PKD2L1: variants seen among roughly 807,000 people sequenced by gnomAD.
PKD2L1 encodes the protein polycystin-2-like protein 1.
Under a neutral mutation model 93.0 loss-of-function variants are expected in PKD2L1, and 77 were observed. The observed-to-expected ratio is 0.83, with a 90% CI of 0.69 to 1.00. The LOEUF (loss-of-function observed/expected upper bound fraction) is 1.00. Among genes scored for constraint, PKD2L1 ranks in the 50% least tolerant of loss-of-function variants. PKD2L1 has a pLI of 0.00. For missense variants in PKD2L1, 977 were observed against 990.9 expected (o/e 0.99, Z 0.19); for synonymous variants, 390 against 388.0 (o/e 1.01, Z -0.06).
chr10:100,303,636 A>G (rs971533703), intron 2 of PKD2L1, among the ~76,000 whole-genome samples: 2 of 152,158 alleles, frequency 1.3e-5, no homozygotes, highest in African/African-American at 2.4e-5. Context: ...ATACTTTTTC[A>G]GGGGGAAAAA....
intron 11 of PKD2L1, among the ~76,000 whole-genome samples, chr10:100,291,777 A>T (rs964425966): frequency 6.6e-6 from 1 of 152,032 alleles, no homozygotes; most frequent in Non-Finnish European, 1.5e-5. Flanking sequence ...TAATATGCAG[A>T]TCTAAAAATG....
chr10:100,301,954 G>A (rs1392119372), intron 2 of PKD2L1, among the ~76,000 whole-genome samples: 1 of 152,116 alleles, frequency 6.6e-6, no homozygotes, highest in Non-Finnish European at 1.5e-5. Context: ...TCCTGCCTCA[G>A]CCTCCCAAGT....
At chr10:100,296,711 CAA>C (rs1321331549) in intron 6 of PKD2L1, among the ~76,000 whole-genome samples, 2 of 150,160 alleles carry the variant, frequency 1.3e-5, no homozygotes, top group Non-Finnish European at 3.0e-5. Context: ...AGACAAAAGA[CAA>C]GAGAGGAGCA....
In PKD2L1 at chr10:100,330,118, G is replaced by A; in HGVS notation, c.-15C>T. 6.6e-7 allele frequency: 1 copy of A among 1,507,326 alleles called. No individual in the cohort carries two copies. The highest frequency in any genetic ancestry group is 9.0e-7 in the Non-Finnish European group (1 of 1,107,738). The allele number at this position is 1,507,326 out of a possible 1,614,324, so 93.4% of individuals were successfully genotyped here. ...ACAGCATTCATGGGGAATGAGGTGGGGGGGCCCGGTACCCCAGGTGCCCAC... is the reference window on the plus strand; with the variant it reads ...ACAGCATTCATGGGGAATGAGGTGGAGGGGCCCGGTACCCCAGGTGCCCAC... On this transcript the variant is annotated 5_prime_UTR_variant, in exon 1 of 16. Coordinates refer to ENST00000318222, the MANE Select transcript of PKD2L1 (RefSeq NM_016112.3).
At chr10:100,294,384 A>G in intron 9 of PKD2L1, 151 bp downstream of exon 9, 1 of 792,282 alleles carries the variant, frequency 1.3e-6, no homozygotes, top group Non-Finnish European at 2.1e-6. Flanking sequence ...GTACTACATT[A>G]ACCATCTCTC....
At chr10:100,290,357 G>T in intron 13 of PKD2L1, 44 bp downstream of exon 13, 1 of 1,372,030 alleles carries the variant, frequency 7.3e-7, no homozygotes, top group Non-Finnish European at 1.0e-6. Context: ...TATCGTAATA[G>T]AAGTGTTGCC....
intron 2 of PKD2L1, among the ~76,000 whole-genome samples, chr10:100,324,989 C>T (rs776681557): frequency 6.6e-6 from 1 of 152,182 alleles, no homozygotes; most frequent in African/African-American, 2.4e-5. Context: ...AGGCTTATAA[C>T]GTGTATTCCC....
intron 8 of PKD2L1, 116 bp from the exon 9 acceptor site, chr10:100,294,771 A>C: frequency 6.9e-7 from 1 of 1,451,800 alleles, no homozygotes; most frequent in Non-Finnish European, 9.6e-7. Flanking sequence ...GACACAGGGC[A>C]GGGTGCTTAG....
chr10:100,306,725 C>A (rs1848808002), intron 2 of PKD2L1, among the ~76,000 whole-genome samples: 1 of 151,382 alleles, frequency 6.6e-6, no homozygotes, highest in African/African-American at 2.4e-5. Flanking sequence ...GGTGTGTTGG[C>A]ACACACCTGT....
At chr10:100,316,314 C>T (rs1033305381) in intron 2 of PKD2L1, among the ~76,000 whole-genome samples, 2 of 152,226 alleles carry the variant, frequency 1.3e-5, no homozygotes, top group East Asian at 1.9e-4. Context: ...CTAGGATTAC[C>T]GGCATGCGCC....
chr10:100,290,589 C>T, intron 12 of PKD2L1, 70 bp from the exon 13 acceptor site: 1 of 931,730 alleles, frequency 1.1e-6, no homozygotes, highest in Non-Finnish European at 1.7e-6. Context: ...GTTCTATCAC[C>T]TACTCTACTG....
At position 100,330,225 on chromosome 10, in the gene PKD2L1, G is replaced by T; in HGVS notation, c.-122C>A. On this transcript the variant is annotated 5_prime_UTR_variant, in exon 1 of 16. Transcript: ENST00000318222. The stretch of plus-strand genomic sequence containing the variant: ...AATGGAAAGGCGTCTGAGAGCAGCT[G>T]TTTCCACACAGCCTGGGCTCCTGCC... 1 of 596,956 alleles carries T rather than the reference G, an allele frequency of 1.7e-6. No individual in the cohort carries two copies. The highest frequency in any genetic ancestry group is 2.9e-6 in the Non-Finnish European group (1 of 343,220). 37.0% of individuals were successfully genotyped at this position (596,956 alleles called of 1,614,324 possible). A position where few individuals can be genotyped will look rare whatever the true frequency, so the allele number is the denominator to read the frequency against.
At chr10:100,317,849 G>A (rs1849134573) in intron 2 of PKD2L1, among the ~76,000 whole-genome samples, 1 of 152,168 alleles carries the variant, frequency 6.6e-6, no homozygotes, top group African/African-American at 2.4e-5. Flanking sequence ...GGGAGGCTGA[G>A]GTGGGCAGAT....
At chr10:100,290,810 G>A (rs533038468) in intron 12 of PKD2L1, among the ~76,000 whole-genome samples, 1 of 152,312 alleles carries the variant, frequency 6.6e-6, no homozygotes, top group East Asian at 1.9e-4. Context: ...CAGTGTTCTT[G>A]GCACTTTCTA....
At chr10:100,329,573 C>G (rs556664455) in intron 1 of PKD2L1, among the ~76,000 whole-genome samples, 1 of 152,180 alleles carries the variant, frequency 6.6e-6, no homozygotes, top group Non-Finnish European at 1.5e-5. Flanking sequence ...GCACCTGTTC[C>G]AGGTGGGGTA....
In PKD2L1 at chr10:100,299,610, CT is replaced by C; in HGVS notation, c.457del (p.Ser153AlafsTer51). ...ACTCACATCCCAGAAGTCCGCCATGCTGCTGATGGCCTGAAAGGAGACTCCA... is the reference window on the plus strand; with the variant it reads ...ACTCACATCCCAGAAGTCCGCCATGCGCTGATGGCCTGAAAGGAGACTCCA... ...DTGVSFQAIS[S>X]MADFWDFAQG... On this transcript the variant is annotated frameshift_variant, in exon 3 of 16. Coordinates refer to ENST00000318222, the MANE Select transcript of PKD2L1 (RefSeq NM_016112.3). LOFTEE classifies it high-confidence loss of function. 6.2e-7 allele frequency: 1 copy of C among 1,613,788 alleles called. No individual in the cohort carries two copies. The highest frequency in any genetic ancestry group is 8.5e-7 in the Non-Finnish European group (1 of 1,179,672).
At chr10:100,293,573 A>G (rs2134378323) in intron 9 of PKD2L1, among the ~76,000 whole-genome samples, 194 bp from the exon 10 acceptor site, 1 of 152,268 alleles carries the variant, frequency 6.6e-6, no homozygotes, top group South Asian at 2.1e-4. Flanking sequence ...TTAGAGATGG[A>G]TCATGCTTCT....
At chr10:100,296,048 A>AT in intron 7 of PKD2L1, 74 bp downstream of exon 7, 8 of 1,362,748 alleles carry the variant, frequency 5.9e-6, no homozygotes, top group African/African-American at 1.5e-5. Flanking sequence ...AAAAAAAAAA[A>AT]GAAAAAAAAG....
intron 2 of PKD2L1, among the ~76,000 whole-genome samples, chr10:100,308,604 GGATTACAGGCAT>G (rs1848861305): frequency 6.6e-6 from 1 of 152,080 alleles, no homozygotes; most frequent in African/African-American, 2.4e-5. Flanking sequence ...CAAAGTGCTG[GGATTACAGGCAT>G]GAGCCACTGC....
Sources: allele counts gnomAD v4.1 joint callset (sites outside exome capture counted in the v4.1 genomes callset), GRCh38; gene constraint gnomAD v4.1.1; transcripts MANE v1.5; gene names NCBI Gene and HGNC (gene_info 2026-07-23, HGNC 2026-07-21).